TNRC6B: variants seen among roughly 807,000 people sequenced by gnomAD.
TNRC6B encodes trinucleotide repeat-containing gene 6B protein.
TNRC6B carries 52 observed loss-of-function variants against 203.6 expected under a neutral mutation model. The observed-to-expected ratio is 0.26, with a 90% confidence interval of 0.20 to 0.32. TNRC6B has a LOEUF of 0.32. TNRC6B is among the 10% of genes least tolerant of loss of function. The pLI is 1.00. For synonymous variants in TNRC6B, 838 were observed against 845.7 expected (o/e 0.99, Z 0.16); for missense variants, 1,923 against 2,286.2 (o/e 0.84, Z 3.24).
At chr22:40,054,930 G>A (rs893816527) in intron 1 of TNRC6B, among the ~76,000 whole-genome samples, 2 of 151,950 alleles carry the variant, frequency 1.3e-5, no homozygotes, top group Admixed American at 1.3e-4. Context: ...CCAGCTACTC[G>A]GGAGGCTGAT....
At chr22:40,290,133 G>T (rs1168073818) in intron 12 of TNRC6B, among the ~76,000 whole-genome samples, 2 of 152,226 alleles carry the variant, frequency 1.3e-5, no homozygotes, top group Non-Finnish European at 2.9e-5. Flanking sequence ...GTCTGAGTCA[G>T]ACTGATTCTC....
At chr22:40,315,555 C>T in intron 20 of TNRC6B, 48 bp downstream of exon 20, 1 of 1,577,574 alleles carries the variant, frequency 6.3e-7, no homozygotes, top group Non-Finnish European at 8.7e-7. Context: ...CCACAAGGGG[C>T]TTATGTTAAC....
At chr22:40,210,802 G>C (rs1208580869) in intron 1 of TNRC6B, among the ~76,000 whole-genome samples, 1 of 152,150 alleles carries the variant, frequency 6.6e-6, no homozygotes, top group Non-Finnish European at 1.5e-5. Context: ...AAATATGCTT[G>C]ACCAGAGTTT....
intron 4 of TNRC6B, 62 bp downstream of exon 4, chr22:40,262,235 T>C: frequency 7.6e-7 from 1 of 1,311,832 alleles, no homozygotes; most frequent in East Asian, 2.7e-5. Flanking sequence ...TTTGTTTGCA[T>C]TGCTTGATGT....
chr22:40,049,979 A>G (rs2015587258), intron 1 of TNRC6B, among the ~76,000 whole-genome samples: 1 of 152,134 alleles, frequency 6.6e-6, no homozygotes, highest in Admixed American at 6.5e-5. Context: ...AGTTTCTATT[A>G]TCGTTAGTTT....
intron 1 of TNRC6B, among the ~76,000 whole-genome samples, chr22:40,211,640 C>G (rs1318987202): frequency 6.6e-6 from 1 of 152,152 alleles, no homozygotes; most frequent in Non-Finnish European, 1.5e-5. Context: ...CCTCCCTTCT[C>G]TATATTTTGC....
chr22:40,235,942 T>G (rs1324694738), intron 1 of TNRC6B, among the ~76,000 whole-genome samples: 1 of 152,228 alleles, frequency 6.6e-6, no homozygotes, highest in East Asian at 1.9e-4. Context: ...GACCAAAAGA[T>G]GAGTCAATGT....
At position 40,312,643 on chromosome 22, in the gene TNRC6B, A is replaced by T. The variant is rs754874072; in HGVS notation, c.4574A>T (p.Asn1525Ile). The T allele has an allele frequency of 1.2e-6, 2 of 1,610,714 alleles. No homozygotes were observed. Among genetic ancestry groups the T allele is most frequent in the Non-Finnish European group, 1.7e-6 (2 of 1,178,878 alleles). Residue 1525 changes from asparagine to isoleucine, a missense_variant, in exon 18 of 23, where the codon AAC becomes ATC. Physicochemically the swap from Asn to Ile is moderately radical, Grantham distance 149. This residue lies in a region of TNRC6B where 159 missense variants were observed against 181.0 expected (regional missense o/e 0.88). Coordinates refer to ENST00000454349, the MANE Select transcript of TNRC6B (RefSeq NM_001162501.2). ...VDTDHQLLRD[N>I]TTGSNSSLNT... is the part of the protein sequence containing the mutation. ...ACTGACCACCAACTGCTGCGGGATAACACCACAGGTACTTGAGCAAAGCAT... is the reference window on the plus strand; with the variant it reads ...ACTGACCACCAACTGCTGCGGGATATCACCACAGGTACTTGAGCAAAGCAT...
At chr22:40,091,755 C>G (rs999242957) in intron 1 of TNRC6B, among the ~76,000 whole-genome samples, 3 of 151,992 alleles carry the variant, frequency 2.0e-5, no homozygotes, top group Non-Finnish European at 2.9e-5. Context: ...TTTAAGCTGA[C>G]GATGGGAACT....
At chr22:40,047,733 A>G (rs971571036) in intron 1 of TNRC6B, among the ~76,000 whole-genome samples, 1 of 152,240 alleles carries the variant, frequency 6.6e-6, no homozygotes, top group East Asian at 1.9e-4. Flanking sequence ...TTTTAGCTCA[A>G]GAGTTCAAGG....
chr22:40,263,786 C>T (rs1251556295), intron 4 of TNRC6B, among the ~76,000 whole-genome samples: 1 of 152,252 alleles, frequency 6.6e-6, no homozygotes, highest in East Asian at 1.9e-4. Context: ...CATGTGACAC[C>T]CCTGCCACCC....
rs1298250231 is a variant in TNRC6B at position 40,266,901 on chromosome 22, G to C, written c.2671G>C (p.Asp891His). The change falls in exon 5 of 23, where the codon GAT (aspartate) becomes CAT (histidine). Residue 891 changes from aspartate (D) to histidine (H), a missense_variant. Around this residue, in one of 8 missense-constraint regions of TNRC6B, gnomAD observed 599 missense variants for 656.5 expected, o/e 0.91. Coordinates refer to ENST00000454349, the MANE Select transcript of TNRC6B (RefSeq NM_001162501.2). ...QSISRKMDID[D>H]GTSAWGDPNS... ...AATTAGTCGGAAAATGGACATTGAT[G>C]ATGGCACTTCAGCATGGGGAGACCC... The C allele has an allele frequency of 6.2e-7, 1 of 1,613,914 alleles. No homozygotes were observed. Among genetic ancestry groups the C allele is most frequent in the Non-Finnish European group, 8.5e-7 (1 of 1,179,912 alleles).
At chr22:40,197,371 A>G (rs1364426510) in intron 1 of TNRC6B, among the ~76,000 whole-genome samples, 1 of 151,192 alleles carries the variant, frequency 6.6e-6, no homozygotes, top group East Asian at 1.9e-4. Context: ...TGCAACCTCC[A>G]CCTCCCGGGT....
chr22:40,057,756 G>C (rs564203327), intron 1 of TNRC6B, among the ~76,000 whole-genome samples: 1 of 152,142 alleles, frequency 6.6e-6, no homozygotes. Flanking sequence ...CTGATGTGGA[G>C]GAAGGCAATC....
At chr22:40,204,979 A>G (rs2069461239) in intron 1 of TNRC6B, among the ~76,000 whole-genome samples, 1 of 152,224 alleles carries the variant, frequency 6.6e-6, no homozygotes, top group Non-Finnish European at 1.5e-5. Flanking sequence ...ATCTTACTGA[A>G]CATCATGGTT....
chr22:40,249,931 C>G (rs1331134943), intron 2 of TNRC6B, among the ~76,000 whole-genome samples: 1 of 152,176 alleles, frequency 6.6e-6, no homozygotes, highest in Non-Finnish European at 1.5e-5. Context: ...CCAGGAAGTT[C>G]TACAGGCGGA....
chr22:40,243,720 G>T (rs2070064311), intron 1 of TNRC6B, among the ~76,000 whole-genome samples: 1 of 152,084 alleles, frequency 6.6e-6, no homozygotes. Flanking sequence ...AAGTAGCTGG[G>T]ATTACAGGTG....
At chr22:40,141,320 C>A (rs1184798395) in intron 3 of TNRC6B, among the ~76,000 whole-genome samples, 3 of 151,360 alleles carry the variant, frequency 2.0e-5, no homozygotes, top group Non-Finnish European at 4.4e-5. Flanking sequence ...ATGCTCCCAC[C>A]TTAGCTTCCC....
rs116587250 is a variant in TNRC6B, at chr22:40,081,663, T to C, written c.-120-35392T>C. On this transcript the variant is annotated intron_variant, in intron 1 of 23. Transcript: ENST00000301923. ...AGTTTCCTTAGGTACAAAATGTGGA[T>C]AATAATAGTTCCTCCTTTATAGGGT... is the stretch of plus-strand genomic sequence containing the variant. 3.3e-3 allele frequency among the ~76,000 whole-genome samples: 496 copies of C among 152,360 alleles called. 1 individual carries two copies. The highest frequency in any genetic ancestry group is 0.011 in the African/African-American group (456 of 41,582).
Sources: allele counts gnomAD v4.1 joint callset (sites outside exome capture counted in the v4.1 genomes callset), GRCh38; gene constraint gnomAD v4.1.1; regional missense constraint gnomAD v4.1.1; transcripts MANE v1.5; gene names NCBI Gene and HGNC (gene_info 2026-07-23, HGNC 2026-07-21).